The following DGKD variants were observed in gnomAD, a reference collection of about 807,000 sequenced individuals.
DGKD encodes the protein DAG kinase delta.
Under a neutral mutation model 154.4 loss-of-function variants are expected in DGKD, and 68 were observed. That is an observed-to-expected ratio of 0.44 (90% CI 0.36 to 0.54). The LOEUF (loss-of-function observed/expected upper bound fraction) is 0.54. Among genes scored for constraint, DGKD ranks in the 20% least tolerant of loss-of-function variants. The pLI is 0.00. For synonymous variants in DGKD, 693 were observed against 638.0 expected (o/e 1.09, Z -1.30); for missense variants, 1,343 against 1,593.6 (o/e 0.84, Z 2.68).
At chr2:233,450,511 G>C (rs888853543) in intron 16 of DGKD, among the ~76,000 whole-genome samples, 1 of 152,118 alleles carries the variant, frequency 6.6e-6, no homozygotes, top group Non-Finnish European at 1.5e-5. Flanking sequence ...CTTTGTCCTT[G>C]CCCCTCCTGG....
chr2:233,387,430 A>G (rs1703259601), intron 1 of DGKD, among the ~76,000 whole-genome samples: 2 of 151,942 alleles, frequency 1.3e-5, no homozygotes, highest in Non-Finnish European at 2.9e-5. Flanking sequence ...CTTGTCGTTT[A>G]TTCTTTTTGA....
intron 1 of DGKD, among the ~76,000 whole-genome samples, chr2:233,366,714 T>G: frequency 6.6e-6 from 1 of 152,060 alleles, no homozygotes; most frequent in Non-Finnish European, 1.5e-5. Flanking sequence ...CCCCCAGTCA[T>G]GCAGCAGCAG....
intron 1 of DGKD, among the ~76,000 whole-genome samples, chr2:233,357,617 A>G (rs971434026): frequency 1.3e-5 from 2 of 150,868 alleles, no homozygotes; most frequent in African/African-American, 4.9e-5. Flanking sequence ...AGCTACGGCA[A>G]CCTTTGCCTC....
chr2:233,387,602 G>A (rs780242865), intron 1 of DGKD, among the ~76,000 whole-genome samples: 5 of 152,210 alleles, frequency 3.3e-5, no homozygotes, highest in Non-Finnish European at 5.9e-5. Flanking sequence ...TGAGTGGACC[G>A]TATAATCCAT....
At chr2:233,434,283 T>A in intron 3 of DGKD, 97 bp from the exon 4 acceptor site, 1 of 890,464 alleles carries the variant, frequency 1.1e-6, no homozygotes, top group African/African-American at 1.7e-5. Flanking sequence ...GAAATAGTAA[T>A]TTTTATGTCT....
At chr2:233,446,361 T>C (rs62195090) in intron 11 of DGKD, among the ~76,000 whole-genome samples, 1 of 152,238 alleles carries the variant, frequency 6.6e-6, no homozygotes, top group African/African-American at 2.4e-5. Context: ...TCAGGCCTCC[T>C]CTGTGTGCCT....
chr2:233,401,061 G>A (rs1359762630), intron 3 of DGKD, among the ~76,000 whole-genome samples: 1 of 151,970 alleles, frequency 6.6e-6, no homozygotes, highest in Non-Finnish European at 1.5e-5. Flanking sequence ...GAAAGTACGG[G>A]ACTCTGCAAG....
rs202033164 is a variant in DGKD, at chr2:233,449,417, G to A, written c.1888+41G>A. On this transcript the variant is annotated intron_variant, in intron 15 of 29. Coordinates refer to ENST00000264057, the MANE Select transcript of DGKD (RefSeq NM_152879.3). The surrounding 1 kb of genome is among the most constrained non-coding windows in gnomAD (Gnocchi z 5.3). ...ATGAGGAGGGGCTTTCCTCAGGCCA[G>A]CACTGGGCATGCCCAGCGTCCCCTG... The A allele has an allele frequency of 6.4e-7, 1 of 1,562,144 alleles. No individual in the cohort carries two copies.
At chr2:233,442,797 G>A (rs920307801) in intron 10 of DGKD, among the ~76,000 whole-genome samples, 4 of 152,076 alleles carry the variant, frequency 2.6e-5, no homozygotes, top group East Asian at 1.9e-4. Context: ...GTAGAGACAG[G>A]GTTTCTCCAT....
intron 1 of DGKD, among the ~76,000 whole-genome samples, chr2:233,386,419 C>A (rs1291874956): frequency 2.6e-5 from 4 of 152,216 alleles, no homozygotes; most frequent in Non-Finnish European, 5.9e-5. Context: ...GTCCTTCACA[C>A]TGAAGACTGG....
rs2063137233 is a variant in DGKD at position 233,447,858 on chromosome 2, T to A, written c.1420-229T>A. ...CAGACTGAAGGAGATTCATTTGCAG[T>A]TTGCCTGCAGCTTGACGAAGCTTTT... On this transcript the variant is annotated intron_variant, in intron 12 of 29. Transcript: ENST00000264057. 6 of 1,365,248 alleles carry A rather than the reference T, an allele frequency of 4.4e-6. No individual in the cohort carries two copies. The Admixed American group carries it at 1.9e-4, about 43-fold the overall frequency. The allele number at this position is 1,365,248 out of a possible 1,614,324, so 84.6% of individuals were successfully genotyped here.
chr2:233,381,002 G>A (rs1463908835), intron 1 of DGKD, among the ~76,000 whole-genome samples: 1 of 152,320 alleles, frequency 6.6e-6, no homozygotes, highest in Admixed American at 6.5e-5. Context: ...CTCTTGATGG[G>A]TAAGGGAAGG....
chr2:233,439,735 T>A (rs1329020900), intron 9 of DGKD, among the ~76,000 whole-genome samples: 1 of 152,034 alleles, frequency 6.6e-6, no homozygotes, highest in African/African-American at 2.4e-5. Flanking sequence ...CTAATTTTTT[T>A]TTTTTATGTT....
chr2:233,438,135 TCTG>T lies in DGKD; in HGVS notation c.923-72_923-70del. On this transcript the variant is annotated intron_variant, in intron 8 of 29. Transcript: ENST00000264057. The surrounding 1 kb of genome is among the most constrained non-coding windows in gnomAD (Gnocchi z 4.1). ...GTCAGGTGTGTGTCCTTTGGGGGGG[TCTG>T]CTGCTGCTGATTCCATCAGTGGTGC... The T allele has an allele frequency of 4.0e-6, 6 of 1,491,590 alleles. No homozygotes were observed. Among genetic ancestry groups the T allele is most frequent in the Non-Finnish European group, 5.5e-6 (6 of 1,093,082 alleles). 92.4% of individuals were successfully genotyped at this position (1,491,590 alleles called of 1,614,324 possible). A position where few individuals can be genotyped will look rare whatever the true frequency, so the allele number is the denominator to read the frequency against.
chr2:233,464,425 C>T (rs568108968), intron 27 of DGKD, 142 bp downstream of exon 27: 29 of 1,056,786 alleles, frequency 2.7e-5, no homozygotes, highest in Non-Finnish European at 3.7e-5. Flanking sequence ...CTCCAGACTT[C>T]GCTATTAAAA....
chr2:233,438,162 G>A lies in DGKD; in HGVS notation c.923-55G>A. 6.3e-7 allele frequency: 1 copy of A among 1,584,634 alleles called. No homozygotes were observed. The highest frequency in any genetic ancestry group is 8.6e-7 in the Non-Finnish European group (1 of 1,161,940). ...TGCTGCTGCTGATTCCATCAGTGGT[G>A]CCCTCAGCGTCTTCCGTGGCCTATA... is the stretch of plus-strand genomic sequence containing the variant. On this transcript the variant is annotated intron_variant, in intron 8 of 29. Coordinates refer to ENST00000264057, the MANE Select transcript of DGKD (RefSeq NM_152879.3). This position sits in a 1 kb window ranked among gnomAD's most constrained non-coding sequence, Gnocchi z 4.1.
rs576318254 is a variant in DGKD at position 233,362,626 on chromosome 2, G to C, written c.156+7952G>C. ...AGACCACACCATTACACTACAGCCT[G>C]GGCGACAAGAGCGAAACTCTGTATT... On this transcript the variant is annotated intron_variant, in intron 1 of 29. Coordinates refer to ENST00000264057, the MANE Select transcript of DGKD (RefSeq NM_152879.3). Among the ~76,000 whole-genome samples, 9 of 152,244 alleles carry C rather than the reference G, an allele frequency of 5.9e-5. No homozygotes were observed. The East Asian group carries it at 1.5e-3, about 26-fold the overall frequency.
chr2:233,387,478 G>C (rs1703262025), intron 1 of DGKD, among the ~76,000 whole-genome samples: 1 of 152,158 alleles, frequency 6.6e-6, no homozygotes, highest in African/African-American at 2.4e-5. Flanking sequence ...AACATCTCAT[G>C]ACCAAGTAGT....
At position 233,443,609 on chromosome 2, in the gene DGKD, T is replaced by C. The variant is rs2062968301; in HGVS notation, c.1194+1614T>C. Among the ~76,000 whole-genome samples, 2 of 152,240 alleles carry C rather than the reference T, an allele frequency of 1.3e-5. 1 individual carries two copies. Among genetic ancestry groups the C allele is most frequent in the Non-Finnish European group, 2.9e-5 (2 of 68,044 alleles). ...TTCAGTCTTCTGTGTGACGTGGATG[T>C]ATTTTTCAGTGATTCTGTGGTGCCT... On this transcript the variant is annotated intron_variant, in intron 10 of 29. Transcript: ENST00000264057.
Sources: allele counts gnomAD v4.1 joint callset (sites outside exome capture counted in the v4.1 genomes callset), GRCh38; gene constraint gnomAD v4.1.1; non-coding constraint Gnocchi (gnomAD v3.1); transcripts MANE v1.5; gene names NCBI Gene and HGNC (gene_info 2026-07-23, HGNC 2026-07-21).